Variants in SLC14A2 observed in about 807,000 individuals in gnomAD.
SLC14A2 encodes the protein solute carrier family 14 member 2.
In SLC14A2, 91 loss-of-function variants were observed where a neutral mutation model predicts 104.6. The ratio of observed to expected loss-of-function variants is 0.87; its 90% CI spans 0.73 to 1.04. SLC14A2 has a LOEUF of 1.04. Ranked by LOEUF, SLC14A2 falls within the 50% of genes least tolerant of loss-of-function variation. The pLI, the probability that SLC14A2 is intolerant of heterozygous loss-of-function variation, is 0.00. For synonymous variants in SLC14A2, 476 were observed against 466.4 expected (o/e 1.02, Z -0.27); for missense variants, 1,189 against 1,156.0 (o/e 1.03, Z -0.41).
rs925393010 is a variant in SLC14A2 at position 45,489,703 on chromosome 18, A to G, written c.-35+6381A>G. On this transcript the variant is annotated intron_variant, in intron 2 of 20. Transcript: ENST00000586448. The stretch of plus-strand genomic sequence containing the variant: ...TCAACATAATAATTCTACCCTGAAC[A>G]GAAGACCTTCGCATCTCACTGGAAG... Among the ~76,000 whole-genome samples the G allele has an allele frequency of 3.9e-5, 6 of 152,356 alleles. No homozygotes were observed. The South Asian group carries it at 6.2e-4, about 16-fold the overall frequency.
chr18:45,512,876 G>A (rs765264803), intron 2 of SLC14A2, among the ~76,000 whole-genome samples: 1 of 152,160 alleles, frequency 6.6e-6, no homozygotes, highest in Admixed American at 6.5e-5. Flanking sequence ...AACCAGTACC[G>A]TGGCTAGTTC....
At chr18:45,208,160 TG>T (rs1316583958), upstream of SLC14A2, among the ~76,000 whole-genome samples, 2 of 152,134 alleles carry the variant, frequency 1.3e-5, no homozygotes, top group African/African-American at 4.8e-5. Context: ...CACAAGCCCA[TG>T]GGCACCTAAA....
intron 1 of SLC14A2, among the ~76,000 whole-genome samples, chr18:45,482,152 A>G (rs1442798895): frequency 6.6e-6 from 1 of 152,236 alleles, no homozygotes; most frequent in Admixed American, 6.5e-5. Flanking sequence ...TTTTACTTCA[A>G]GGAATTTATC....
intron 1 of SLC14A2, among the ~76,000 whole-genome samples, chr18:45,303,556 G>A (rs1001296560): frequency 2.6e-5 from 4 of 152,172 alleles, no homozygotes; most frequent in East Asian, 1.9e-4. Flanking sequence ...TGCTGCTCTC[G>A]TCCTGGTGGC....
At chr18:45,536,095 A>T (rs1313499215) in intron 2 of SLC14A2, among the ~76,000 whole-genome samples, 1 of 152,088 alleles carries the variant, frequency 6.6e-6, no homozygotes, top group Non-Finnish European at 1.5e-5. Flanking sequence ...TTTCCTTCTT[A>T]TTGTCCAGGA....
At chr18:45,277,754 T>G (rs565945265) in intron 1 of SLC14A2, among the ~76,000 whole-genome samples, 1 of 152,322 alleles carries the variant, frequency 6.6e-6, no homozygotes, top group African/African-American at 2.4e-5. Flanking sequence ...AAAGTTGTTT[T>G]GAAGATAAAT....
At chr18:45,492,789 T>C (rs546931475) in intron 2 of SLC14A2, among the ~76,000 whole-genome samples, 1 of 152,302 alleles carries the variant, frequency 6.6e-6, no homozygotes, top group South Asian at 2.1e-4. Flanking sequence ...CCTCTGAACA[T>C]TGCTTTCCTG....
At chr18:45,173,430 G>A in the SLC14A2 span, among the ~76,000 whole-genome samples, 1 of 151,550 alleles carries the variant, frequency 6.6e-6, no homozygotes, top group Non-Finnish European at 1.5e-5. Flanking sequence ...AAGAGCCAAA[G>A]TGTCAAGAGT....
At chr18:45,584,071 A>G (rs2144367405) in intron 2 of SLC14A2, among the ~76,000 whole-genome samples, 1 of 152,376 alleles carries the variant, frequency 6.6e-6, no homozygotes, top group East Asian at 1.9e-4. Context: ...GTATGTATTT[A>G]TACTGCAGTA....
At chr18:45,243,368 A>T (rs1296895084) in intron 1 of SLC14A2, among the ~76,000 whole-genome samples, 1 of 152,206 alleles carries the variant, frequency 6.6e-6, no homozygotes, top group Non-Finnish European at 1.5e-5. Context: ...CAGATAAAGA[A>T]GCAGGCTTGT....
chr18:45,365,542 A>G (rs548452040), intron 1 of SLC14A2, among the ~76,000 whole-genome samples: 35 of 152,354 alleles, frequency 2.3e-4, no homozygotes, highest in African/African-American at 7.0e-4. Context: ...TAACCCATTC[A>G]GACTCTGTGA....
At chr18:45,293,145 A>G (rs1307911716) in intron 1 of SLC14A2, among the ~76,000 whole-genome samples, 1 of 152,194 alleles carries the variant, frequency 6.6e-6, no homozygotes, top group Non-Finnish European at 1.5e-5. Context: ...CAGTAATTAC[A>G]TTATTAGAGT....
chr18:45,250,755 C>CTT lies in SLC14A2; in HGVS notation c.-125+37584_-125+37585dup, dbSNP rs67864793. ...GAATCCTCTGGCTAGTGGCTTCTTC[C>CTT]TTTTTTTTTTTTTTTTTTTTTGGCT... On this transcript the variant is annotated intron_variant, in intron 1 of 20. Transcript: ENST00000586448. 6.9e-3 allele frequency among the ~76,000 whole-genome samples: 652 copies of CTT among 93,856 alleles called. 10 individuals are homozygous for CTT. The highest frequency in any genetic ancestry group is 0.02 in the African/African-American group (453 of 22,928). 61.6% of individuals were successfully genotyped at this position (93,856 alleles called of 152,430 possible).
intron 2 of SLC14A2, among the ~76,000 whole-genome samples, chr18:45,530,483 T>C (rs1188990689): frequency 6.6e-6 from 1 of 152,130 alleles, no homozygotes; most frequent in African/African-American, 2.4e-5. Context: ...TCTCATACTA[T>C]CAGCTTCATT....
At chr18:45,237,553 C>A (rs1423394803) in intron 1 of SLC14A2, among the ~76,000 whole-genome samples, 2 of 152,196 alleles carry the variant, frequency 1.3e-5, no homozygotes, top group African/African-American at 4.8e-5. Flanking sequence ...GAAATGTGAC[C>A]TTGGAGTGGT....
At chr18:45,560,766 T>A (rs1294865101) in intron 2 of SLC14A2, among the ~76,000 whole-genome samples, 1 of 152,038 alleles carries the variant, frequency 6.6e-6, no homozygotes. Context: ...GGAGCCCCCA[T>A]ACCCTCACCT....
intron 8 of SLC14A2, among the ~76,000 whole-genome samples, chr18:45,642,540 AGAAG>A (rs1417617899): frequency 1.3e-5 from 2 of 152,226 alleles, no homozygotes; most frequent in Non-Finnish European, 2.9e-5. Flanking sequence ...AGCTGCAGGC[AGAAG>A]GAGTTTGTCC....
At chr18:45,196,250 A>G in the SLC14A2 span, among the ~76,000 whole-genome samples, 1 of 152,234 alleles carries the variant, frequency 6.6e-6, no homozygotes, top group East Asian at 1.9e-4. Context: ...GTTTTATGCT[A>G]AAGTTGATTT....
chr18:45,255,539 AC>A (rs2084468322), intron 1 of SLC14A2, among the ~76,000 whole-genome samples: 1 of 152,094 alleles, frequency 6.6e-6, no homozygotes, highest in Non-Finnish European at 1.5e-5. Flanking sequence ...CTTGATTGAA[AC>A]CTTTGGAGAA....
Sources: gnomAD v4.1 joint callset for allele counts (sites outside exome capture counted in the v4.1 genomes callset) on GRCh38, gnomAD v4.1.1 for gene constraint, MANE v1.5 for transcripts, NCBI Gene and HGNC (gene_info 2026-07-23, HGNC 2026-07-21) for gene names.